The following SGF29 variants were observed in gnomAD, a reference collection of about 807,000 sequenced individuals.
SGF29 encodes the protein SAGA complex associated factor 29.
A neutral mutation model predicts 38.1 loss-of-function variants in SGF29; 15 were observed. The ratio of observed to expected loss-of-function variants is 0.39; its 90% CI spans 0.26 to 0.61. The LOEUF (loss-of-function observed/expected upper bound fraction) is 0.61. Among genes scored for constraint, SGF29 ranks in the 20% least tolerant of loss-of-function variants. The pLI, the probability that SGF29 is intolerant of heterozygous loss-of-function variation, is 0.49. For missense variants in SGF29, 184 were observed against 394.6 expected, an observed-to-expected ratio of 0.47 and a Z score of 4.52; for synonymous variants, 151 against 160.8, an observed-to-expected ratio of 0.94 and a Z score of 0.46.
intron 3 of SGF29, 36 bp from the exon 4 acceptor site, chr16:28,585,612 T>C: frequency 6.3e-7 from 1 of 1,588,244 alleles, no homozygotes; most frequent in Non-Finnish European, 8.6e-7. Context: ...GTGCCTGCCC[T>C]GGCCCTGCCT....
chr16:28,563,278 G>C (rs1287544382), intron 1 of SGF29, among the ~76,000 whole-genome samples: 2 of 152,204 alleles, frequency 1.3e-5, no homozygotes, highest in Admixed American at 6.5e-5. Context: ...CGCCAGATAC[G>C]TGCCAGAGGC....
chr16:28,575,050 G>A (rs896589269), intron 1 of SGF29, among the ~76,000 whole-genome samples: 18 of 152,062 alleles, frequency 1.2e-4, no homozygotes, highest in Admixed American at 6.6e-5. Context: ...ATCCTGCCAT[G>A]GGGTCACACC....
At chr16:28,554,441 A>T (rs2046733599) in intron 1 of SGF29, among the ~76,000 whole-genome samples, 2 of 152,278 alleles carry the variant, frequency 1.3e-5, no homozygotes, top group African/African-American at 4.8e-5. Flanking sequence ...CGGACAGAGG[A>T]TGGGCCCCGA....
chr16:28,569,647 G>A lies in SGF29; in HGVS notation c.-15-11408G>A, dbSNP rs910408559. ...AGCCTGGGTGACAGAGCGAGAGCCT[G>A]TCTCAAAAAGAAAAAAAAAGAATAA... is the stretch of plus-strand genomic sequence containing the variant. On this transcript the variant is annotated intron_variant, in intron 1 of 9. Coordinates refer to ENST00000317058, the MANE Select transcript of SGF29 (RefSeq NM_138414.3). Among the ~76,000 whole-genome samples, 3 of 152,044 alleles carry A rather than the reference G, an allele frequency of 2.0e-5. No individual in the cohort carries two copies. In the East Asian group the frequency reaches 5.8e-4, roughly 29 times the overall value.
intron 1 of SGF29, among the ~76,000 whole-genome samples, chr16:28,570,764 G>T (rs2046860433): frequency 6.6e-6 from 1 of 151,790 alleles, no homozygotes; most frequent in African/African-American, 2.4e-5. Context: ...TTTTAGTAGA[G>T]ACAGGGTTTC....
At chr16:28,583,161 G>C (rs537127054) in intron 2 of SGF29, among the ~76,000 whole-genome samples, 1 of 152,246 alleles carries the variant, frequency 6.6e-6, no homozygotes, top group African/African-American at 2.4e-5. Context: ...TGACCTAAGA[G>C]ATGGCATTCT....
At chr16:28,580,430 A>T (rs551834816) in intron 1 of SGF29, among the ~76,000 whole-genome samples, 2 of 152,188 alleles carry the variant, frequency 1.3e-5, no homozygotes, top group Admixed American at 1.3e-4. Context: ...GGAGGCTTAG[A>T]CGGGGCCGTT....
intron 1 of SGF29, among the ~76,000 whole-genome samples, chr16:28,564,539 G>GTATATATATGTGTA (rs2046811073): frequency 2.2e-5 from 2 of 89,044 alleles, no homozygotes; most frequent in South Asian, 5.5e-4. Context: ...ATATATATAT[G>GTATATATATGTGTA]TATATATATA....
chr16:28,564,765 A>ACACATATATG (rs1567286199), intron 1 of SGF29, among the ~76,000 whole-genome samples: 24 of 58,828 alleles, frequency 4.1e-4, no homozygotes, highest in South Asian at 4.2e-4. Flanking sequence ...GTATATATGT[A>ACACATATATG]TATATATGTA....
Position 28,570,921 on chromosome 16 carries a change from CTT to C in SGF29, c.-15-10131_-15-10130del, listed in dbSNP as rs1326662278. On this transcript the variant is annotated intron_variant, in intron 1 of 9. Coordinates refer to ENST00000317058, the MANE Select transcript of SGF29 (RefSeq NM_138414.3). ...GATAGATGAGACTCTGGACTTTAGA[CTT>C]TTGAGTTGATGCTAGAATGAGTTTC... Among the ~76,000 whole-genome samples, 6 of 152,124 alleles carry C rather than the reference CTT, an allele frequency of 3.9e-5. No individual in the cohort carries two copies. In the East Asian group the frequency reaches 1.2e-3, roughly 29 times the overall value.
chr16:28,568,599 G>A (rs180716811), intron 1 of SGF29, among the ~76,000 whole-genome samples: 2 of 151,460 alleles, frequency 1.3e-5, no homozygotes, highest in Non-Finnish European at 1.5e-5. Context: ...GGGTGGTTGG[G>A]GGGGGCTCAC....
chr16:28,589,200 T>G, intron 5 of SGF29, 36 bp downstream of exon 5: 1 of 1,611,146 alleles, frequency 6.2e-7, no homozygotes, highest in Non-Finnish European at 8.5e-7. Flanking sequence ...GGTCCTTTGC[T>G]AGGACAAGAG....
chr16:28,585,610 C>T (rs372298910), intron 3 of SGF29, 38 bp from the exon 4 acceptor site: 3 of 1,577,970 alleles, frequency 1.9e-6, no homozygotes, highest in Non-Finnish European at 2.6e-6. Context: ...CTGTGCCTGC[C>T]CTGGCCCTGC....
intron 3 of SGF29, 70 bp downstream of exon 3, chr16:28,585,058 C>T (rs962498548): frequency 9.3e-6 from 11 of 1,185,720 alleles, no homozygotes; most frequent in African/African-American, 3.1e-5. Context: ...AGACTGTGAC[C>T]GAGGTGGTCA....
At position 28,590,006 on chromosome 16, in the gene SGF29, A is replaced by C; in HGVS notation, c.290-90A>C. ...GCTCACTCGGGAACTGGGGGCTCCC[A>C]GGTGCTCCTTCAACAGCTCAGTGCA... On this transcript the variant is annotated intron_variant, in intron 5 of 9. Coordinates refer to ENST00000317058, the MANE Select transcript of SGF29 (RefSeq NM_138414.3). The surrounding 1 kb of genome is among the most constrained non-coding windows in gnomAD (Gnocchi z 8.2). 6.7e-7 allele frequency: 1 copy of C among 1,487,062 alleles called. No individual in the cohort carries two copies. The highest frequency in any genetic ancestry group is 9.0e-7 in the Non-Finnish European group (1 of 1,117,316). The allele number at this position is 1,487,062 out of a possible 1,614,324, so 92.1% of individuals were successfully genotyped here. A position where few individuals can be genotyped will look rare whatever the true frequency, so the allele number is the denominator to read the frequency against.
At chr16:28,564,686 T>TATATATAC (rs1567285884) in intron 1 of SGF29, among the ~76,000 whole-genome samples, 38 of 55,778 alleles carry the variant, frequency 6.8e-4, no homozygotes, top group African/African-American at 1.7e-3. Flanking sequence ...TATATATATG[T>TATATATAC]GTATATATAT....
chr16:28,581,858 G>T (rs1039891307), intron 2 of SGF29, among the ~76,000 whole-genome samples: 9 of 151,500 alleles, frequency 5.9e-5, no homozygotes. Flanking sequence ...GGCAGAGGTT[G>T]CAGTGAGCCG....
intron 1 of SGF29, among the ~76,000 whole-genome samples, chr16:28,556,881 C>G (rs1359327585): frequency 6.6e-6 from 1 of 151,990 alleles, no homozygotes; most frequent in Non-Finnish European, 1.5e-5. Context: ...CTCCTGACTT[C>G]AAGTGATCCT....
At chr16:28,584,533 T>C (rs2046943934) in intron 2 of SGF29, among the ~76,000 whole-genome samples, 1 of 152,052 alleles carries the variant, frequency 6.6e-6, no homozygotes, top group Non-Finnish European at 1.5e-5. Flanking sequence ...CTTACGCCTG[T>C]AATCCCAGCA....
Sources: allele counts gnomAD v4.1 joint callset (sites outside exome capture counted in the v4.1 genomes callset), GRCh38; gene constraint gnomAD v4.1.1; non-coding constraint Gnocchi (gnomAD v3.1); transcripts MANE v1.5; gene names NCBI Gene and HGNC (gene_info 2026-07-23, HGNC 2026-07-21).